CDKL3: variants seen among roughly 807,000 people sequenced by gnomAD.
CDKL3 encodes cyclin dependent kinase like 3.
Under a neutral mutation model 69.3 loss-of-function variants are expected in CDKL3, and 65 were observed. The observed-to-expected ratio is 0.94, with a 90% confidence interval of 0.77 to 1.15. CDKL3 has a LOEUF of 1.15. Ranked by LOEUF, CDKL3 falls within the 50% of genes most tolerant of loss-of-function variation. The pLI is 0.00. For synonymous variants in CDKL3, 202 were observed against 221.6 expected (o/e 0.91, Z 0.79); for missense variants, 652 against 689.2 (o/e 0.95, Z 0.61).
chr5:134,358,737 C>T (rs1449940181), intron 3 of CDKL3, among the ~76,000 whole-genome samples: 4 of 151,906 alleles, frequency 2.6e-5, no homozygotes, highest in African/African-American at 4.8e-5. Flanking sequence ...CACAAGTAGC[C>T]GGGAGTACAG....
chr5:134,342,570 A>AG, intron 4 of CDKL3, among the ~76,000 whole-genome samples: 1 of 151,978 alleles, frequency 6.6e-6, no homozygotes, highest in Non-Finnish European at 1.5e-5. Context: ...ACTGCACTCC[A>AG]GCCTGGGCGA....
chr5:134,363,358 G>C (rs1756520024), intron 2 of CDKL3, among the ~76,000 whole-genome samples: 1 of 151,290 alleles, frequency 6.6e-6, no homozygotes, highest in South Asian at 2.1e-4. Context: ...CAGTGGCGTG[G>C]TCTCGGCTCA....
chr5:134,343,201 T>C lies in CDKL3; in HGVS notation c.539+7048A>G, dbSNP rs185184142. 8.9e-5 allele frequency among the ~76,000 whole-genome samples: 12 copies of C among 134,990 alleles called. No homozygotes were observed. In the East Asian group the frequency reaches 2.5e-3, roughly 29 times the overall value. 88.6% of individuals were successfully genotyped at this position (134,990 alleles called of 152,430 possible). On this transcript the variant is annotated intron_variant, in intron 4 of 12. Transcript: ENST00000265334. Reference sequence around the variant, plus strand: ...GCCTGGGCAACAGAGTGAGATCTTGTCAAAAAAAAAAAAAAGGAAAGAAAG... The same window carrying C: ...GCCTGGGCAACAGAGTGAGATCTTGCCAAAAAAAAAAAAAAGGAAAGAAAG...
At chr5:134,324,274 G>A (rs1773538993) in intron 4 of CDKL3, among the ~76,000 whole-genome samples, 1 of 152,194 alleles carries the variant, frequency 6.6e-6, no homozygotes, top group Admixed American at 6.5e-5. Context: ...CACTTTGGAG[G>A]ACAATTTGAC....
intron 4 of CDKL3, among the ~76,000 whole-genome samples, chr5:134,346,237 C>G (rs1218524794): frequency 6.6e-6 from 1 of 152,194 alleles, no homozygotes; most frequent in Non-Finnish European, 1.5e-5. Flanking sequence ...CAGGAAGAAT[C>G]TGAACAAACA....
At chr5:134,351,369 T>C (rs1009649980) in intron 3 of CDKL3, among the ~76,000 whole-genome samples, 2 of 152,142 alleles carry the variant, frequency 1.3e-5, no homozygotes, top group African/African-American at 4.8e-5. Context: ...CTTGGGCTTC[T>C]CCCCACTTAC....
intron 11 of CDKL3, among the ~76,000 whole-genome samples, chr5:134,303,874 T>G (rs1767031086): frequency 6.6e-6 from 1 of 151,738 alleles, no homozygotes; most frequent in East Asian, 1.9e-4. Flanking sequence ...TAAATAAATT[T>G]TAATAATTTA....
chr5:134,347,697 T>TAAAAAAAAAAAAAAAAAAAAA (rs1175296441), intron 4 of CDKL3, among the ~76,000 whole-genome samples: 2 of 52,830 alleles, frequency 3.8e-5, no homozygotes, highest in Non-Finnish European at 3.7e-5. Context: ...CCATCTCTGC[T>TAAAAAAAAAAAAAAAAAAAAA]AAAAAAAAAA....
intron 2 of CDKL3, 127 bp downstream of exon 2, chr5:134,366,232 G>A: frequency 1.6e-6 from 1 of 638,320 alleles, no homozygotes; most frequent in Non-Finnish European, 2.6e-6. Flanking sequence ...ATGTAGATAA[G>A]ATAGAGTATT....
At chr5:134,315,921 G>C (rs1770937373) in intron 6 of CDKL3, among the ~76,000 whole-genome samples, 1 of 152,030 alleles carries the variant, frequency 6.6e-6, no homozygotes, top group Non-Finnish European at 1.5e-5. Flanking sequence ...ATTCTAAAAA[G>C]TATAAATCCT....
At chr5:134,295,643 A>G (rs1317852251), downstream of CDKL3, among the ~76,000 whole-genome samples, 1 of 152,212 alleles carries the variant, frequency 6.6e-6, no homozygotes, top group Non-Finnish European at 1.5e-5. Flanking sequence ...CTTTTTTGAG[A>G]TTAACAGAGA....
rs1167063478 is a variant in CDKL3, at chr5:134,298,426, G to C, written c.*225C>G. The C allele has an allele frequency of 7.6e-6, 10 of 1,315,362 alleles. No homozygotes were observed. Among genetic ancestry groups the C allele is most frequent in the Non-Finnish European group, 9.7e-6 (10 of 1,036,034 alleles). The allele number at this position is 1,315,362 out of a possible 1,614,324, so 81.5% of individuals were successfully genotyped here. On this transcript the variant is annotated 3_prime_UTR_variant, in exon 13 of 13. Coordinates refer to ENST00000265334, the MANE Select transcript of CDKL3 (RefSeq NM_001113575.2). ...GTAATCATGGCAAAAAAAAGAAGTA[G>C]GCAGAGAAGAGATGACTTTATAATT...
intron 12 of CDKL3, 137 bp downstream of exon 12, chr5:134,302,453 G>C (rs1031919573): frequency 4.9e-6 from 3 of 609,470 alleles, no homozygotes; most frequent in Non-Finnish European, 8.6e-6. Flanking sequence ...GGAAAATATA[G>C]ATCTGTTTCT....
chr5:134,319,187 C>T (rs1197328907), intron 6 of CDKL3, 171 bp downstream of exon 6: 36 of 454,860 alleles, frequency 7.9e-5, no homozygotes, highest in East Asian at 4.1e-5. Flanking sequence ...AAAAATTAGC[C>T]GGGCATGGTG....
At chr5:134,333,747 T>C (rs1776366484) in intron 4 of CDKL3, among the ~76,000 whole-genome samples, 1 of 152,254 alleles carries the variant, frequency 6.6e-6, no homozygotes, top group South Asian at 2.1e-4. Context: ...GCATCAATGT[T>C]CATCATTGAT....
chr5:134,298,228 C>A (rs1193258406), downstream of CDKL3: 1 of 983,456 alleles, frequency 1.0e-6, no homozygotes, highest in East Asian at 1.1e-4. Context: ...GCCATTGCAC[C>A]CAGCCATGAA....
At chr5:134,297,077 G>A (rs975620499), downstream of CDKL3, among the ~76,000 whole-genome samples, 21 of 150,562 alleles carry the variant, frequency 1.4e-4, no homozygotes, top group Non-Finnish European at 2.4e-4. Flanking sequence ...TCAGGCTCCC[G>A]AGTAGCTGGG....
chr5:134,305,818 G>A (rs1767664237), intron 10 of CDKL3, among the ~76,000 whole-genome samples: 1 of 152,152 alleles, frequency 6.6e-6, no homozygotes, highest in South Asian at 2.1e-4. Context: ...AAAAAGTTGT[G>A]AGGTCCCATT....
intron 11 of CDKL3, among the ~76,000 whole-genome samples, chr5:134,303,711 G>A (rs965661920): frequency 6.6e-6 from 1 of 151,134 alleles, no homozygotes; most frequent in Non-Finnish European, 1.5e-5. Context: ...TTAGCCAGGC[G>A]TGTTGGTGGG....
Sources: gnomAD v4.1 joint callset for allele counts (sites outside exome capture counted in the v4.1 genomes callset) on GRCh38, gnomAD v4.1.1 for gene constraint, MANE v1.5 for transcripts, NCBI Gene and HGNC (gene_info 2026-07-23, HGNC 2026-07-21) for gene names.